Variants in SLC25A21 observed in about 807,000 individuals in gnomAD.
SLC25A21 encodes the protein mitochondrial 2-oxodicarboxylate carrier.
In SLC25A21, 47 loss-of-function variants were observed where a neutral mutation model predicts 43.8. The ratio of observed to expected loss-of-function variants is 1.07; its 90% confidence interval spans 0.85 to 1.37. The LOEUF (loss-of-function observed/expected upper bound fraction) is 1.37. Among genes scored for constraint, SLC25A21 ranks in the 40% most tolerant of loss-of-function variants. The pLI, the probability that SLC25A21 is intolerant of heterozygous loss-of-function variation, is 0.00. For synonymous variants in SLC25A21, 131 were observed against 121.3 expected, an observed-to-expected ratio of 1.08 and a Z score of -0.52; for missense variants, 352 against 350.2, an observed-to-expected ratio of 1.00 and a Z score of -0.04.
intron 1 of SLC25A21, among the ~76,000 whole-genome samples, chr14:37,143,830 T>A (rs1029601253): frequency 1.3e-5 from 2 of 152,154 alleles, no homozygotes; most frequent in African/African-American, 4.8e-5. Flanking sequence ...TAGCTTACAT[T>A]TTGTCTGAGG....
chr14:36,884,073 T>G (rs935063450), intron 1 of SLC25A21, among the ~76,000 whole-genome samples: 2 of 152,308 alleles, frequency 1.3e-5, no homozygotes, highest in Non-Finnish European at 2.9e-5. Context: ...CAATAGGTCA[T>G]GGAAACTTAT....
chr14:37,136,925 T>C (rs149158560), intron 1 of SLC25A21, among the ~76,000 whole-genome samples: 98 of 152,126 alleles, frequency 6.4e-4, no homozygotes, highest in African/African-American at 2.3e-3. Flanking sequence ...GAGAGAAAAA[T>C]AGGTGGAACA....
intron 3 of SLC25A21, among the ~76,000 whole-genome samples, chr14:36,802,928 C>A (rs972976919): frequency 6.6e-6 from 1 of 152,132 alleles, no homozygotes; most frequent in African/African-American, 2.4e-5. Context: ...ATTTTTCCAA[C>A]ACTTACTGGC....
chr14:37,163,294 T>TAAATA (rs375063885), intron 1 of SLC25A21, among the ~76,000 whole-genome samples: 2 of 147,698 alleles, frequency 1.4e-5, no homozygotes, highest in East Asian at 2.0e-4. Flanking sequence ...AGTATAATAA[T>TAAATA]AATAAATAAA....
In SLC25A21 at chr14:36,705,129, C is replaced by G. The variant is rs1040845470; in HGVS notation, c.603+6189G>C. Among the ~76,000 whole-genome samples, 4 of 152,166 alleles carry G rather than the reference C, an allele frequency of 2.6e-5. No individual in the cohort carries two copies. The South Asian group carries it at 8.3e-4, about 32-fold the overall frequency. The stretch of plus-strand genomic sequence containing the variant: ...AATCTCTGCTCACTGCAAGCTCCGC[C>G]TCCCGGGTTCACACCATTTTCCTGC... On this transcript the variant is annotated intron_variant, in intron 7 of 9. Transcript: ENST00000331299.
intron 3 of SLC25A21, among the ~76,000 whole-genome samples, chr14:36,789,789 TATATA>T (rs1382019267): frequency 2.6e-5 from 3 of 115,528 alleles, no homozygotes; most frequent in African/African-American, 3.5e-5. Flanking sequence ...TATATATTTA[TATATA>T]ATATATTTTA....
chr14:36,847,682 G>A (rs1269318642), intron 2 of SLC25A21, among the ~76,000 whole-genome samples: 6 of 152,182 alleles, frequency 3.9e-5, no homozygotes, highest in East Asian at 1.9e-4. Flanking sequence ...TTTGAGAAGG[G>A]CGTGCCATGT....
Position 36,711,426 on chromosome 14 carries a change from G to A in SLC25A21, c.495C>T (p.Leu165=). The A allele has an allele frequency of 6.2e-7, 1 of 1,614,070 alleles. No individual in the cohort carries two copies. Among genetic ancestry groups the A allele is most frequent in the Non-Finnish European group, 8.5e-7 (1 of 1,179,984 alleles). Residue 165 remains leucine, a synonymous_variant, in exon 7 of 10, where the codon CTC becomes CTT. Transcript: ENST00000331299. ...CAGTTAATCCTTTGTTGAGGCCCTG[G>A]AGTCCCCAGCCTTCCTTCTTAATGA... ...RQIIKKEGWG[L]QGLNKGLTAT...
rs371666430 is a variant in SLC25A21 at position 37,085,597 on chromosome 14, CA to C, written c.70+86683del. ...GAAACTTCAAAGATGTCAGAATAAT[CA>C]AAATCTCTTTGTCTAGGAGTTTGAA... On this transcript the variant is annotated intron_variant, in intron 1 of 9. Transcript: ENST00000331299. Among the ~76,000 whole-genome samples the C allele has an allele frequency of 3.5e-3, 536 of 152,210 alleles. 3 individuals are homozygous for C. Among genetic ancestry groups the C allele is most frequent in the African/African-American group, 0.012 (501 of 41,540 alleles).
At chr14:36,810,961 G>GGGGGAAAGAATTCAGCA (rs1555329750) in intron 3 of SLC25A21, among the ~76,000 whole-genome samples, 1 of 150,598 alleles carries the variant, frequency 6.6e-6, no homozygotes, top group Non-Finnish European at 1.5e-5. Flanking sequence ...AGAAAAGAGG[G>GGGGGAAAGAATTCAGCA]TCAGGGAGGG....
intron 1 of SLC25A21, among the ~76,000 whole-genome samples, chr14:36,997,033 G>A (rs930310582): frequency 2.0e-5 from 3 of 152,002 alleles, no homozygotes; most frequent in East Asian, 1.9e-4. Flanking sequence ...TGGGAGAGTC[G>A]GCTGTGCCCT....
intron 1 of SLC25A21, among the ~76,000 whole-genome samples, chr14:37,091,157 G>A (rs904287632): frequency 3.9e-5 from 6 of 152,100 alleles, no homozygotes; most frequent in Admixed American, 2.6e-4. Flanking sequence ...ACAATGGGCC[G>A]GGTGCGGTGG....
chr14:36,812,168 C>G (rs712338), intron 3 of SLC25A21, among the ~76,000 whole-genome samples: 1 of 151,936 alleles, frequency 6.6e-6, no homozygotes, highest in Admixed American at 6.6e-5. Context: ...ATGCTCAATT[C>G]CAGTAACATT....
Position 37,129,674 on chromosome 14 carries a change from T to TA in SLC25A21, c.70+42606dup, listed in dbSNP as rs5807931. On this transcript the variant is annotated intron_variant, in intron 1 of 9. Transcript: ENST00000331299. Reference sequence around the variant, plus strand: ...TAAATAACCATTAAGTAACAGTTATTAAAAAAAAAAAAAAAGTCCACCCAG... The same window carrying TA: ...TAAATAACCATTAAGTAACAGTTATTAAAAAAAAAAAAAAAAGTCCACCCAG... Among the ~76,000 whole-genome samples, 893 of 136,390 alleles carry TA rather than the reference T, an allele frequency of 6.5e-3. 4 individuals carry two copies. The highest frequency in any genetic ancestry group is 0.019 in the Admixed American group (263 of 13,538). 89.5% of individuals were successfully genotyped at this position (136,390 alleles called of 152,430 possible).
chr14:37,107,284 C>A (rs1216230119), intron 1 of SLC25A21, among the ~76,000 whole-genome samples: 1 of 151,932 alleles, frequency 6.6e-6, no homozygotes, highest in East Asian at 1.9e-4. Context: ...CTCAAGCAAT[C>A]CTCCCACCTC....
intron 1 of SLC25A21, among the ~76,000 whole-genome samples, chr14:36,969,670 T>A (rs1279847717): frequency 2.8e-4 from 41 of 148,452 alleles, no homozygotes; most frequent in African/African-American, 7.7e-5. Flanking sequence ...AAAAAAAAAA[T>A]TTATGGAGAT....
At chr14:36,905,456 A>G (rs1891509779) in intron 1 of SLC25A21, among the ~76,000 whole-genome samples, 1 of 152,208 alleles carries the variant, frequency 6.6e-6, no homozygotes, top group African/African-American at 2.4e-5. Flanking sequence ...TTGTTTTCAC[A>G]AGAAGCTTGC....
At chr14:36,709,330 A>T (rs1340495963) in intron 7 of SLC25A21, among the ~76,000 whole-genome samples, 1 of 152,310 alleles carries the variant, frequency 6.6e-6, no homozygotes, top group African/African-American at 2.4e-5. Context: ...AATTCTTAAT[A>T]ATTTCTGAAC....
chr14:37,170,119 T>A (rs1964097108), intron 1 of SLC25A21, among the ~76,000 whole-genome samples: 1 of 152,016 alleles, frequency 6.6e-6, no homozygotes, highest in Non-Finnish European at 1.5e-5. Flanking sequence ...CACTGCAACC[T>A]CCGCCTCCTG....
Sources: gnomAD v4.1 joint callset for allele counts (sites outside exome capture counted in the v4.1 genomes callset) on GRCh38, gnomAD v4.1.1 for gene constraint, MANE v1.5 for transcripts, NCBI Gene and HGNC (gene_info 2026-07-23, HGNC 2026-07-21) for gene names.